The following PTPRR variants were observed in gnomAD, a reference collection of about 807,000 sequenced individuals.
PTPRR encodes the protein protein tyrosine phosphatase receptor type R, also known as receptor-type tyrosine-protein phosphatase R.
A neutral mutation model predicts 77.2 loss-of-function variants in PTPRR; 38 were observed. That is an observed-to-expected ratio of 0.49 (90% CI 0.38 to 0.65). The LOEUF is 0.65. Among genes scored for constraint, PTPRR ranks in the 30% least tolerant of loss-of-function variants. The pLI, the probability that PTPRR is intolerant of heterozygous loss-of-function variation, is 0.00. For synonymous variants in PTPRR, 299 were observed against 283.1 expected (o/e 1.06, Z -0.57); for missense variants, 744 against 799.2 (o/e 0.93, Z 0.83).
intron 2 of PTPRR, among the ~76,000 whole-genome samples, chr12:70,786,245 T>C (rs182680831): frequency 1.6e-4 from 25 of 152,314 alleles, no homozygotes; most frequent in Admixed American, 1.5e-3. Flanking sequence ...GACTTCTCAC[T>C]ACAGTGTTCA....
chr12:70,696,470 A>C (rs1329253406), intron 8 of PTPRR, among the ~76,000 whole-genome samples: 1 of 152,136 alleles, frequency 6.6e-6, no homozygotes, highest in Non-Finnish European at 1.5e-5. Flanking sequence ...CTGGATTGGA[A>C]TCACCTAGGT....
At chr12:70,842,573 G>A (rs1892415144) in intron 2 of PTPRR, among the ~76,000 whole-genome samples, 1 of 152,182 alleles carries the variant, frequency 6.6e-6, no homozygotes, top group Admixed American at 6.5e-5. Flanking sequence ...TGTTGGCATT[G>A]TTTGACTTGT....
At chr12:70,639,586 G>A (rs901770622) in intron 13 of PTPRR, 6 of 957,122 alleles carry the variant, frequency 6.3e-6, no homozygotes, top group African/African-American at 1.7e-5. Flanking sequence ...ATCAGCCAAG[G>A]TGAGTTCAAA....
intron 10 of PTPRR, among the ~76,000 whole-genome samples, chr12:70,662,908 G>T (rs777185759): frequency 1.3e-5 from 2 of 150,890 alleles, no homozygotes; most frequent in Non-Finnish European, 2.9e-5. Flanking sequence ...ACTCCTCAGA[G>T]AAATTAAGAA....
At chr12:70,799,561 T>G (rs545391436) in intron 2 of PTPRR, among the ~76,000 whole-genome samples, 1 of 152,218 alleles carries the variant, frequency 6.6e-6, no homozygotes, top group Admixed American at 6.5e-5. Context: ...AGCACTGATT[T>G]TTTTTTACCC....
intron 1 of PTPRR, among the ~76,000 whole-genome samples, chr12:70,896,135 G>A (rs1893423741): frequency 6.6e-6 from 1 of 151,066 alleles, no homozygotes; most frequent in South Asian, 2.1e-4. Context: ...GGATAAAGAG[G>A]GACATTACAT....
At chr12:70,896,006 A>G (rs1893421462) in intron 1 of PTPRR, among the ~76,000 whole-genome samples, 2 of 151,650 alleles carry the variant, frequency 1.3e-5, no homozygotes, top group Non-Finnish European at 3.0e-5. Flanking sequence ...CTCACTTCAA[A>G]TATAATGATA....
At chr12:70,866,331 A>G (rs1163144837) in intron 2 of PTPRR, among the ~76,000 whole-genome samples, 10 of 152,202 alleles carry the variant, frequency 6.6e-5, no homozygotes, top group Non-Finnish European at 1.5e-4. Context: ...TAGATGCAAT[A>G]AAAAATGATA....
intron 6 of PTPRR, among the ~76,000 whole-genome samples, chr12:70,739,091 CTA>C (rs1056716059): frequency 2.6e-5 from 4 of 152,040 alleles, no homozygotes; most frequent in African/African-American, 9.7e-5. Context: ...ATGAACAAAA[CTA>C]TGTTAATTGA....
At chr12:70,716,264 CTAACTT>C (rs1006992588) in intron 6 of PTPRR, among the ~76,000 whole-genome samples, 2 of 151,452 alleles carry the variant, frequency 1.3e-5, no homozygotes, top group East Asian at 1.9e-4. Context: ...TATATGTACT[CTAACTT>C]TATCTCCCAT....
At chr12:70,642,695 C>T (rs1278502580) in intron 13 of PTPRR, among the ~76,000 whole-genome samples, 1 of 152,160 alleles carries the variant, frequency 6.6e-6, no homozygotes, top group Non-Finnish European at 1.5e-5. Flanking sequence ...TTACCCAGGT[C>T]ATGCTATTTT....
intron 12 of PTPRR, among the ~76,000 whole-genome samples, chr12:70,657,608 A>G (rs1886632376): frequency 6.6e-6 from 1 of 152,346 alleles, no homozygotes; most frequent in African/African-American, 2.4e-5. Context: ...CCTAAACTCT[A>G]GATTGTCATT....
intron 2 of PTPRR, among the ~76,000 whole-genome samples, chr12:70,821,246 A>G (rs1446923521): frequency 6.3e-5 from 2 of 31,840 alleles, no homozygotes; most frequent in African/African-American, 1.4e-4. Flanking sequence ...TTTTTTTAGG[A>G]CAGAGTTTCA....
At chr12:70,901,019 T>A (rs1485983413) in intron 1 of PTPRR, among the ~76,000 whole-genome samples, 2 of 151,536 alleles carry the variant, frequency 1.3e-5, no homozygotes, top group Non-Finnish European at 3.0e-5. Flanking sequence ...ATTTGCAGAA[T>A]ATATACTAAT....
At chr12:70,782,321 C>T (rs939902972) in intron 2 of PTPRR, among the ~76,000 whole-genome samples, 8 of 152,072 alleles carry the variant, frequency 5.3e-5, no homozygotes, top group Admixed American at 3.3e-4. Context: ...CCATTTGACC[C>T]AGCCATCCCA....
chr12:70,880,513 T>A (rs930164817), intron 2 of PTPRR, among the ~76,000 whole-genome samples: 1 of 152,164 alleles, frequency 6.6e-6, no homozygotes, highest in Non-Finnish European at 1.5e-5. Flanking sequence ...GTTTTGTTTT[T>A]TTCATTGCAC....
intron 6 of PTPRR, among the ~76,000 whole-genome samples, chr12:70,734,078 A>G (rs1038733094): frequency 5.4e-4 from 82 of 152,238 alleles, no homozygotes; most frequent in African/African-American, 1.9e-3. Context: ...CGCTCTTAAA[A>G]TAGGAAGCAA....
At chr12:70,686,513 C>G (rs1308511521) in intron 8 of PTPRR, among the ~76,000 whole-genome samples, 1 of 152,150 alleles carries the variant, frequency 6.6e-6, no homozygotes, top group Non-Finnish European at 1.5e-5. Context: ...GAGACTAATT[C>G]CTCTCATCTT....
chr12:70,640,929 T>G (rs1885974243), intron 13 of PTPRR, among the ~76,000 whole-genome samples: 1 of 152,200 alleles, frequency 6.6e-6, no homozygotes, highest in African/African-American at 2.4e-5. Flanking sequence ...TGACAGCAAC[T>G]TATTGACAGA....
Sources: allele counts gnomAD v4.1 joint callset (sites outside exome capture counted in the v4.1 genomes callset), GRCh38; gene constraint gnomAD v4.1.1; transcripts MANE v1.5; gene names NCBI Gene and HGNC (gene_info 2026-07-23, HGNC 2026-07-21).